Variants in DGKI observed in about 807,000 individuals in gnomAD.
DGKI encodes diacylglycerol kinase iota.
Under a neutral mutation model 147.5 loss-of-function variants are expected in DGKI, and 55 were observed. That is an observed-to-expected ratio of 0.37 (90% CI 0.30 to 0.47). DGKI has a LOEUF of 0.47. Among genes scored for constraint, DGKI ranks in the 20% least tolerant of loss-of-function variants. DGKI has a pLI of 1.00. For synonymous variants in DGKI, 469 were observed against 477.1 expected, an observed-to-expected ratio of 0.98 and a Z score of 0.22; for missense variants, 1,007 against 1,323.8, an observed-to-expected ratio of 0.76 and a Z score of 3.71.
Position 137,659,867 on chromosome 7 carries a change from A to G in DGKI, c.607-3327T>C, listed in dbSNP as rs190296937. 7.8e-4 allele frequency among the ~76,000 whole-genome samples: 119 copies of G among 152,344 alleles called. 2 individuals carry two copies. The East Asian group carries it at 0.021, about 27-fold the overall frequency. On this transcript the variant is annotated intron_variant, in intron 3 of 32. Coordinates refer to ENST00000614521, the MANE Select transcript of DGKI (RefSeq NM_001321708.2). The stretch of plus-strand genomic sequence containing the variant: ...AGAACGGCGTGAACCCGGGAGGCAG[A>G]GCTTGCAGTGAGCCGAGATCGCGCC...
At chr7:137,822,672 T>A (rs1225081803) in intron 1 of DGKI, among the ~76,000 whole-genome samples, 2 of 152,034 alleles carry the variant, frequency 1.3e-5, no homozygotes, top group Non-Finnish European at 2.9e-5. Flanking sequence ...AAAGAGAAGC[T>A]ATCAGCATGA....
rs866508022 is a variant in DGKI at position 137,546,111 on chromosome 7, A to G, written c.2147+6258T>C. On this transcript the variant is annotated intron_variant, in intron 20 of 32. Coordinates refer to ENST00000614521, the MANE Select transcript of DGKI (RefSeq NM_001321708.2). ...CCGAACAGCGAAGGAAAGGAAAAGG[A>G]AAACCAAGCCAGCCACGGAAATAAT... is the stretch of plus-strand genomic sequence containing the variant. 36 of 553,644 alleles carry G rather than the reference A, an allele frequency of 6.5e-5. No individual in the cohort carries two copies. The South Asian group carries it at 8.2e-4, about 13-fold the overall frequency. The allele number at this position is 553,644 out of a possible 1,614,324, so 34.3% of individuals were successfully genotyped here.
intron 1 of DGKI, among the ~76,000 whole-genome samples, chr7:137,700,488 T>C (rs1277542133): frequency 6.6e-6 from 1 of 152,240 alleles, no homozygotes; most frequent in Non-Finnish European, 1.5e-5. Flanking sequence ...CTCACATTTC[T>C]TATTTTTCAA....
At chr7:137,673,618 A>C (rs2116364730) in intron 3 of DGKI, among the ~76,000 whole-genome samples, 1 of 152,334 alleles carries the variant, frequency 6.6e-6, no homozygotes, top group Middle Eastern at 3.4e-3. Flanking sequence ...TCAGTACATA[A>C]ATGGAACAGC....
chr7:137,463,450 C>A, intron 27 of DGKI, 39 bp downstream of exon 27: 2 of 1,609,268 alleles, frequency 1.2e-6, no homozygotes, highest in Non-Finnish European at 1.7e-6. Flanking sequence ...CCAGCAATCA[C>A]AGTGGCACAG....
At position 137,466,931 on chromosome 7, in the gene DGKI, C is replaced by G; in HGVS notation, c.2455G>C (p.Asp819His). Residue 819 changes from aspartate (D) to histidine (H), a missense_variant, in exon 25 of 33, where the codon GAT (aspartate) becomes CAT (histidine). Asp to His is a moderately conservative substitution (Grantham distance 81). Around this residue, in one of 5 missense-constraint regions of DGKI, gnomAD observed 385 missense variants for 445.2 expected, o/e 0.86. Transcript: ENST00000614521. ...RWCFLDATSA[D>H]RFYRIDRSQE... ...GATCTGTCTATTCGATAAAAGCGAT[C>G]AGCAGAAGTTGCTAGGGGAAAAAAA... The G allele has an allele frequency of 6.2e-7, 1 of 1,614,112 alleles. No individual in the cohort carries two copies. Among genetic ancestry groups the G allele is most frequent in the Non-Finnish European group, 8.5e-7 (1 of 1,180,018 alleles).
chr7:137,658,549 A>G (rs922385192), intron 3 of DGKI, among the ~76,000 whole-genome samples: 1 of 152,208 alleles, frequency 6.6e-6, no homozygotes, highest in African/African-American at 2.4e-5. Context: ...GGATGCCTGA[A>G]AAGCCTCCCT....
chr7:137,480,320 C>T (rs955932283), intron 23 of DGKI, among the ~76,000 whole-genome samples: 3 of 152,156 alleles, frequency 2.0e-5, no homozygotes, highest in Admixed American at 6.6e-5. Context: ...CTCTCTAAAC[C>T]TTGTCCCACT....
chr7:137,563,222 G>C, intron 19 of DGKI, among the ~76,000 whole-genome samples: 1 of 151,936 alleles, frequency 6.6e-6, no homozygotes, highest in South Asian at 2.1e-4. Context: ...GTGATCAAAA[G>C]CTCTCAGGAA....
intron 23 of DGKI, among the ~76,000 whole-genome samples, chr7:137,479,328 C>T (rs10276002): frequency 0.24 from 36,981 of 152,008 alleles, 7,865 homozygotes; most frequent in African/African-American, 0.58. Flanking sequence ...ATCCCTGATA[C>T]GTGAATCTTC....
At chr7:137,552,631 A>G in intron 19 of DGKI, 63 bp from the exon 20 acceptor site, 1 of 1,557,812 alleles carries the variant, frequency 6.4e-7, no homozygotes, top group Non-Finnish European at 8.7e-7. Flanking sequence ...GCTGGAGGCC[A>G]GGCGCTGTGG....
At chr7:137,634,926 G>A (rs567286774) in intron 6 of DGKI, among the ~76,000 whole-genome samples, 45 of 152,304 alleles carry the variant, frequency 3.0e-4, no homozygotes, top group African/African-American at 1.1e-3. Flanking sequence ...AAGATAGGTG[G>A]CTTGACATAG....
chr7:137,542,899 G>A (rs1186994720), intron 20 of DGKI, among the ~76,000 whole-genome samples: 4 of 152,192 alleles, frequency 2.6e-5, no homozygotes, highest in East Asian at 1.9e-4. Flanking sequence ...AAACCTTAAT[G>A]TTCTTGTCTC....
Position 137,412,190 on chromosome 7 carries a change from T to A in DGKI, c.2779A>T (p.Ile927Leu), listed in dbSNP as rs149327150. 9.3e-6 allele frequency: 15 copies of A among 1,614,008 alleles called. No homozygotes were observed. The African/African-American group carries it at 2.0e-4, about 22-fold the overall frequency. ...CTTACCTTCATAAGATCACCAGCTATTACTGCCTGCAAAATTGCTGTGAAA... is the reference window on the plus strand; with the variant it reads ...CTTACCTTCATAAGATCACCAGCTAATACTGCCTGCAAAATTGCTGTGAAA... ...SEDHAILQAV[I>L]AGDLMKLIES... Residue 927 changes from isoleucine (I) to leucine (L), a missense_variant, in exon 29 of 33, where the codon ATA becomes TTA. Around this residue, in one of 5 missense-constraint regions of DGKI, gnomAD observed 385 missense variants for 445.2 expected, o/e 0.86. Coordinates refer to ENST00000614521, the MANE Select transcript of DGKI (RefSeq NM_001321708.2).
chr7:137,609,136 G>A, intron 9 of DGKI, 72 bp from the exon 10 acceptor site: 1 of 1,153,692 alleles, frequency 8.7e-7, no homozygotes, highest in Non-Finnish European at 1.3e-6. Context: ...CAAGGGAGGT[G>A]GAAAACCACC....
chr7:137,472,345 T>TACA (rs1563040195), intron 23 of DGKI, among the ~76,000 whole-genome samples: 1 of 54,176 alleles, frequency 1.8e-5, no homozygotes, highest in Non-Finnish European at 3.0e-5. Flanking sequence ...ATACATATAA[T>TACA]TATTATATGT....
chr7:137,774,362 T>C (rs1465215483), intron 1 of DGKI, among the ~76,000 whole-genome samples: 1 of 152,172 alleles, frequency 6.6e-6, no homozygotes, highest in Non-Finnish European at 1.5e-5. Flanking sequence ...AGGTTACATG[T>C]TTGTGAAAAC....
At chr7:137,784,751 A>G (rs562909096) in intron 1 of DGKI, among the ~76,000 whole-genome samples, 1 of 152,258 alleles carries the variant, frequency 6.6e-6, no homozygotes, top group South Asian at 2.1e-4. Context: ...TAAATTTAAG[A>G]AAATAGAAAT....
At chr7:137,482,167 C>T (rs1423255771) in intron 23 of DGKI, among the ~76,000 whole-genome samples, 2 of 151,974 alleles carry the variant, frequency 1.3e-5, no homozygotes, top group East Asian at 1.9e-4. Context: ...GAAAAAAATA[C>T]GGAAATCAAT....
Sources: gnomAD v4.1 joint callset for allele counts (sites outside exome capture counted in the v4.1 genomes callset) on GRCh38, gnomAD v4.1.1 for gene constraint, gnomAD v4.1.1 regional missense constraint, MANE v1.5 for transcripts, NCBI Gene and HGNC (gene_info 2026-07-23, HGNC 2026-07-21) for gene names.